The following PCNT variants were observed in gnomAD, a reference collection of about 807,000 sequenced individuals.
PCNT encodes kendrin.
PCNT carries 319 observed loss-of-function variants against 380.4 expected under a neutral mutation model. The observed-to-expected ratio is 0.84, with a 90% CI of 0.77 to 0.92. The LOEUF is 0.92. PCNT is among the 40% of genes least tolerant of loss of function. PCNT has a pLI of 0.00. For missense variants in PCNT, 4,400 were observed against 4,255.3 expected, an observed-to-expected ratio of 1.03 and a Z score of -0.95; for synonymous variants, 1,845 against 1,735.2, an observed-to-expected ratio of 1.06 and a Z score of -1.57.
At chr21:46,374,608 G>A (rs188546941) in intron 15 of PCNT, among the ~76,000 whole-genome samples, 497 of 152,284 alleles carry the variant, frequency 3.3e-3, no homozygotes, top group South Asian at 0.01. Flanking sequence ...CCAGCACTTT[G>A]GGAGGCCGAG....
chr21:46,433,025 G>A (rs1288705663), intron 38 of PCNT, among the ~76,000 whole-genome samples: 9 of 151,060 alleles, frequency 6.0e-5, no homozygotes, highest in Non-Finnish European at 8.9e-5. Flanking sequence ...TTTTTGAGAT[G>A]GAGTCTCATT....
chr21:46,402,397 C>T lies in PCNT; in HGVS notation c.5029C>T (p.Leu1677=), dbSNP rs936538890. ...CTTAGAAAGTAAAAATGAAGAAATA[C>T]TACATCTGAACTTAAAATTGGACAT... ...GDLESKNEEI[L]HLNLKLDMQN... The change falls in exon 27 of 47, where the codon CTA becomes TTA. Residue 1677 remains leucine (L), a synonymous_variant. Transcript: ENST00000359568. 4 of 1,612,590 alleles carry T rather than the reference C, an allele frequency of 2.5e-6. No individual in the cohort carries two copies. The highest frequency in any genetic ancestry group is 2.2e-5 in the East Asian group (1 of 44,876).
intron 9 of PCNT, among the ~76,000 whole-genome samples, chr21:46,352,347 G>A (rs1230228257): frequency 2.0e-5 from 3 of 152,156 alleles, no homozygotes; most frequent in African/African-American, 7.2e-5. Flanking sequence ...AGAGCATGTC[G>A]ATTTATCTTC....
At position 46,431,711 on chromosome 21, in the gene PCNT, TGAG is replaced by T; in HGVS notation, c.8248_8250del (p.Glu2750del). 6 of 1,612,218 alleles carry T rather than the reference TGAG, an allele frequency of 3.7e-6. No individual in the cohort carries two copies. Among genetic ancestry groups the T allele is most frequent in the Non-Finnish European group, 5.1e-6 (6 of 1,179,670 alleles). ...CTGAGCTCCAGAAGGACCTTGCGGC[TGAG>T]AAGAGCCGCACCCTGGAGCTGTCAG... On this transcript the variant is annotated inframe_deletion, in exon 38 of 47. Coordinates refer to ENST00000359568, the MANE Select transcript of PCNT (RefSeq NM_006031.6).
chr21:46,356,584 T>C (rs1371610950), intron 12 of PCNT, among the ~76,000 whole-genome samples: 1 of 152,230 alleles, frequency 6.6e-6, no homozygotes, highest in East Asian at 1.9e-4. Context: ...TCAGGCCCTG[T>C]CCTTGTGGCT....
In PCNT at chr21:46,443,609, C is replaced by G. The variant is rs2839263; in HGVS notation, c.9701-201C>G. Among the ~76,000 whole-genome samples, 9,305 of 152,278 alleles carry G rather than the reference C, an allele frequency of 0.061. 758 individuals carry two copies. The highest frequency in any genetic ancestry group is 0.18 in the African/African-American group (7,601 of 41,522). On this transcript the variant is annotated intron_variant, in intron 44 of 46. Coordinates refer to ENST00000359568, the MANE Select transcript of PCNT (RefSeq NM_006031.6). ...GCACTCCCCCGGAGACGGGCTACCC[C>G]TGCAGATGCAGATAGTCAAAGCTCA...
At chr21:46,442,276 G>C (rs950115541) in intron 43 of PCNT, among the ~76,000 whole-genome samples, 5 of 152,192 alleles carry the variant, frequency 3.3e-5, no homozygotes, top group Middle Eastern at 3.4e-3. Flanking sequence ...TCAGGTGGTT[G>C]GGCATGGGAA....
Position 46,415,642 on chromosome 21 carries a change from C to T in PCNT, c.6151-427C>T, listed in dbSNP as rs934918175. Among the ~76,000 whole-genome samples, 6 of 152,088 alleles carry T rather than the reference C, an allele frequency of 3.9e-5. No homozygotes were observed. In the South Asian group the frequency reaches 8.3e-4, roughly 21 times the overall value. On this transcript the variant is annotated intron_variant, in intron 29 of 46. Coordinates refer to ENST00000359568, the MANE Select transcript of PCNT (RefSeq NM_006031.6). ...TCGTGATCCACCTGTCTCAGCCTCCCAAAATGCTAGGATTACAGGCGTGAG... is the reference window on the plus strand; with the variant it reads ...TCGTGATCCACCTGTCTCAGCCTCCTAAAATGCTAGGATTACAGGCGTGAG...
intron 29 of PCNT, among the ~76,000 whole-genome samples, chr21:46,414,669 G>GCTC (rs1225338283): frequency 1.5e-5 from 1 of 66,516 alleles, no homozygotes. Flanking sequence ...CACCCACCCT[G>GCTC]CTCCTCCTCC....
intron 25 of PCNT, among the ~76,000 whole-genome samples, chr21:46,400,669 G>A (rs2086393096): frequency 6.6e-6 from 1 of 151,906 alleles, no homozygotes; most frequent in Non-Finnish European, 1.5e-5. Context: ...ACAGGCACGC[G>A]CCACCACGCC....
intron 15 of PCNT, among the ~76,000 whole-genome samples, chr21:46,373,218 T>C (rs2085211726): frequency 6.6e-6 from 1 of 152,004 alleles, no homozygotes; most frequent in African/African-American, 2.4e-5. Flanking sequence ...GGTCTCACTG[T>C]GTTGCCCAGG....
rs1190518441 is a variant in PCNT at position 46,326,666 on chromosome 21, C to G, written c.267+77C>G. The stretch of plus-strand genomic sequence containing the variant: ...TCTAGTGTGATTTACTAAAGATGGT[C>G]TTTGGTCTGTTTTTGCCTTTCAAAA... On this transcript the variant is annotated intron_variant, in intron 2 of 46. Coordinates refer to ENST00000359568, the MANE Select transcript of PCNT (RefSeq NM_006031.6). The G allele has an allele frequency of 4.1e-6, 6 of 1,467,220 alleles. No individual in the cohort carries two copies. In the African/African-American group the frequency reaches 6.9e-5, roughly 17 times the overall value. 90.9% of individuals were successfully genotyped at this position (1,467,220 alleles called of 1,614,324 possible). A position where few individuals can be genotyped will look rare whatever the true frequency, so the allele number is the denominator to read the frequency against.
intron 25 of PCNT, among the ~76,000 whole-genome samples, chr21:46,400,636 C>G (rs9983580): frequency 6.6e-6 from 1 of 151,060 alleles, no homozygotes; most frequent in South Asian, 2.1e-4. Flanking sequence ...TCTCCTACCT[C>G]AGCTTCCTGA....
intron 44 of PCNT, chr21:46,443,300 C>A: frequency 5.9e-6 from 1 of 169,930 alleles, no homozygotes; most frequent in Non-Finnish European, 1.3e-5. Context: ...TCACTGCAGC[C>A]TTGAACTCGT....
At chr21:46,443,579 GC>G (rs1290326203) in intron 44 of PCNT, among the ~76,000 whole-genome samples, 1 of 151,912 alleles carries the variant, frequency 6.6e-6, no homozygotes, top group Non-Finnish European at 1.5e-5. Context: ...AGACCCCCCT[GC>G]CCCGCACTCC....
In PCNT at chr21:46,388,749, C is replaced by T. The variant is rs1429396924; in HGVS notation, c.3472C>T (p.Leu1158Phe). 10 of 1,613,872 alleles carry T rather than the reference C, an allele frequency of 6.2e-6. No individual in the cohort carries two copies. The highest frequency in any genetic ancestry group is 8.5e-6 in the Non-Finnish European group (10 of 1,179,980). ...VNLSHSERGA[L>F]QDALRRLLGL... is the part of the protein sequence containing the mutation. ...GGGTGTCTCCTGTCTCAGAGGGGCC[C>T]TCCAGGACGCCCTGCGCAGGCTGCT... Residue 1158 changes from leucine to phenylalanine, a missense_variant, in exon 18 of 47, where the codon CTC (leucine) becomes TTC (phenylalanine). Leu to Phe is a conservative substitution (Grantham distance 22, BLOSUM62 0). Coordinates refer to ENST00000359568, the MANE Select transcript of PCNT (RefSeq NM_006031.6). This position sits in a 1 kb window ranked among gnomAD's most constrained non-coding sequence, Gnocchi z 4.2.
intron 44 of PCNT, 145 bp from the exon 45 acceptor site, chr21:46,443,665 G>C (rs1313132349): frequency 1.2e-6 from 1 of 803,754 alleles, no homozygotes; most frequent in Non-Finnish European, 2.1e-6. Flanking sequence ...AAAAGATATT[G>C]TACCTTGAGC....
intron 12 of PCNT, 94 bp downstream of exon 12, chr21:46,355,720 C>T (rs2084450023): frequency 7.9e-7 from 1 of 1,269,290 alleles, no homozygotes; most frequent in East Asian, 2.5e-5. Context: ...TCCAAGTCCT[C>T]CGTGAAGCAG....
chr21:46,394,080 C>T (rs940001708), intron 21 of PCNT, among the ~76,000 whole-genome samples: 10 of 152,232 alleles, frequency 6.6e-5, no homozygotes, highest in Admixed American at 6.5e-4. Flanking sequence ...CCTAGTTTCT[C>T]ACTCTGGTTT....
Sources: allele counts gnomAD v4.1 joint callset (sites outside exome capture counted in the v4.1 genomes callset), GRCh38; gene constraint gnomAD v4.1.1; non-coding constraint Gnocchi (gnomAD v3.1); transcripts MANE v1.5; gene names NCBI Gene and HGNC (gene_info 2026-07-23, HGNC 2026-07-21).